Variants in CYSLTR1 observed in about 807,000 individuals in gnomAD.
CYSLTR1 encodes the protein cysteinyl leukotriene receptor 1, also known as G-protein coupled receptor HG55.
Under a neutral mutation model 2.1 loss-of-function variants are expected in CYSLTR1, and 1 was observed. That is an observed-to-expected ratio of 0.48 (90% CI 0.17 to 2.28). The LOEUF is 2.28. CYSLTR1 is among the 30% of genes most tolerant of loss of function. The pLI is 0.26. For missense variants in CYSLTR1, 299 were observed against 250.1 expected (o/e 1.20, Z -1.32); for synonymous variants, 110 against 89.6 (o/e 1.23, Z -1.28).
At chrX:78,303,614 C>T (rs1170481992) in intron 1 of CYSLTR1, among the ~76,000 whole-genome samples, 1 of 111,440 alleles carries the variant, frequency 9.0e-6, no homozygotes, top group Non-Finnish European at 1.9e-5. Context: ...GTATATCCTG[C>T]TGTATGTAGT....
intron 1 of CYSLTR1, among the ~76,000 whole-genome samples, chrX:78,284,707 G>C (rs924510519): frequency 2.7e-4 from 28 of 105,238 alleles, no homozygotes; most frequent in Admixed American, 2.6e-3. Flanking sequence ...TGGCCCCTTC[G>C]GTTTATTCTT....
At chrX:78,294,648 T>C (rs1042927866) in intron 1 of CYSLTR1, among the ~76,000 whole-genome samples, 3 of 112,615 alleles carry the variant, frequency 2.7e-5, no homozygotes, top group Non-Finnish European at 5.6e-5. Context: ...AGTTCGAGCT[T>C]CCCAGCTGCT....
Position 78,272,924 on chromosome X carries a change from T to C in CYSLTR1, c.823A>G (p.Lys275Glu), listed in dbSNP as rs1921339365. ...KPCDSVLRMQ[K>E]SVVITLSLAA... The stretch of plus-strand genomic sequence containing the variant: ...AGAGACAAGGTTATGACCACGGACT[T>C]CTGCATTCTAAGGACAGAATCACAG... The change falls in exon 3 of 3, where the codon AAG becomes GAG. Residue 275 changes from lysine to glutamate, a missense_variant. Coordinates refer to ENST00000373304, the MANE Select transcript of CYSLTR1 (RefSeq NM_006639.4). 3 of 1,211,291 alleles carry C rather than the reference T, an allele frequency of 2.5e-6. No individual in the cohort carries two copies. Among genetic ancestry groups the C allele is most frequent in the Non-Finnish European group, 2.2e-6 (2 of 895,271 alleles).
chrX:78,283,830 C>T (rs930638023), intron 1 of CYSLTR1, among the ~76,000 whole-genome samples: 2 of 111,952 alleles, frequency 1.8e-5, no homozygotes, highest in Non-Finnish European at 3.8e-5. Flanking sequence ...TAAAATATTC[C>T]TCTCTCTATG....
chrX:78,306,266 C>G (rs1367389773), intron 1 of CYSLTR1, among the ~76,000 whole-genome samples: 1 of 110,776 alleles, frequency 9.0e-6, no homozygotes, highest in Non-Finnish European at 1.9e-5. Context: ...CAGGTTTAAG[C>G]AATTCTTCTG....
At chrX:78,320,549 C>G (rs1488908064) in intron 1 of CYSLTR1, 1 of 111,893 alleles carries the variant, frequency 8.9e-6, no homozygotes, top group East Asian at 2.8e-4. Flanking sequence ...TAGCGTGATG[C>G]CTCCAGCTTT....
chrX:78,304,288 C>A (rs1922942151), intron 1 of CYSLTR1, among the ~76,000 whole-genome samples: 1 of 111,898 alleles, frequency 8.9e-6, no homozygotes, highest in Non-Finnish European at 1.9e-5. Context: ...GACTATAGCA[C>A]CACCATTCTT....
At position 78,273,266 on chromosome X, in the gene CYSLTR1, C is replaced by T. The variant is rs768075700; in HGVS notation, c.481G>A (p.Ala161Thr). The part of the protein sequence containing the change: ...VILTSSPFLM[A>T]KPQKDEKNNT... ...TTTTTCTCATCTTTTTGTGGTTTGG[C>T]CATTAGAAATGGAGAACTGGTCAAA... The change falls in exon 3 of 3, where the codon GCC (alanine) becomes ACC (threonine). Residue 161 changes from alanine (A) to threonine (T), a missense_variant. By Grantham distance (58) the Ala-to-Thr change is moderately conservative. Transcript: ENST00000373304. The T allele has an allele frequency of 1.7e-6, 2 of 1,209,286 alleles. No homozygotes were observed. The highest frequency in any genetic ancestry group is 1.8e-5 in the South Asian group (1 of 56,672).
intron 1 of CYSLTR1, among the ~76,000 whole-genome samples, chrX:78,306,095 A>T (rs1208483491): frequency 1.8e-5 from 2 of 112,779 alleles, no homozygotes; most frequent in Non-Finnish European, 3.7e-5. Context: ...GAACAGAAAG[A>T]CAAACATCAC....
intron 1 of CYSLTR1, among the ~76,000 whole-genome samples, chrX:78,299,597 A>G (rs1922727582): frequency 9.0e-6 from 1 of 110,835 alleles, no homozygotes; most frequent in South Asian, 3.8e-4. Context: ...TCAGCACTTT[A>G]AATATGTAAT....
At chrX:78,296,180 G>A (rs961866414) in intron 1 of CYSLTR1, among the ~76,000 whole-genome samples, 2 of 111,495 alleles carry the variant, frequency 1.8e-5, no homozygotes, top group Non-Finnish European at 3.8e-5. Flanking sequence ...TATGTTCTTG[G>A]CAACTTTGTT....
intron 2 of CYSLTR1, among the ~76,000 whole-genome samples, chrX:78,282,263 A>G (rs373059494): frequency 8.9e-6 from 1 of 111,912 alleles, no homozygotes; most frequent in African/African-American, 3.2e-5. Context: ...ATCTTTGATG[A>G]ACTTCTAGAG....
In CYSLTR1 at chrX:78,273,229, C is replaced by A; in HGVS notation, c.518G>T (p.Cys173Phe). The change falls in exon 3 of 3, where the codon TGC (cysteine) becomes TTC (phenylalanine). Residue 173 changes from cysteine to phenylalanine, a missense_variant. Physicochemically the swap from Cys to Phe is radical, Grantham distance 205. Transcript: ENST00000373304. ...PQKDEKNNTK[C>F]FEPPQDNQTK... ...TTGATTGTCTTGTGGGGGCTCAAAG[C>A]ACTTGGTATTATTTTTCTCATCTTT... is the stretch of plus-strand genomic sequence containing the variant. 1 of 1,210,631 alleles carries A rather than the reference C, an allele frequency of 8.3e-7. No homozygotes were observed. Among genetic ancestry groups the A allele is most frequent in the Non-Finnish European group, 1.1e-6 (1 of 895,170 alleles).
At chrX:78,296,771 CAGTT>C (rs1922592384) in intron 1 of CYSLTR1, among the ~76,000 whole-genome samples, 1 of 111,658 alleles carries the variant, frequency 9.0e-6, no homozygotes, top group Admixed American at 9.5e-5. Context: ...ATTTATTTTT[CAGTT>C]CTAATGATTT....
At chrX:78,315,909 A>G (rs1333656120) in intron 1 of CYSLTR1, among the ~76,000 whole-genome samples, 1 of 111,927 alleles carries the variant, frequency 8.9e-6, no homozygotes, top group Non-Finnish European at 1.9e-5. Context: ...GCCTTGAGTA[A>G]ACATAGACAG....
At chrX:78,281,374 C>T (rs1921836864) in intron 2 of CYSLTR1, among the ~76,000 whole-genome samples, 1 of 110,251 alleles carries the variant, frequency 9.1e-6, no homozygotes, top group African/African-American at 3.3e-5. Context: ...TCAAGCTATT[C>T]TCCCACCTCA....
intron 1 of CYSLTR1, chrX:78,318,993 C>G (rs1953452898): frequency 9.1e-6 from 1 of 109,877 alleles, no homozygotes; most frequent in African/African-American, 3.3e-5. Flanking sequence ...AGAGGTGAAC[C>G]TGGCAAATTT....
intron 2 of CYSLTR1, among the ~76,000 whole-genome samples, chrX:78,276,217 T>C (rs189839803): frequency 1.6e-3 from 174 of 112,208 alleles, no homozygotes; most frequent in African/African-American, 5.4e-3. Flanking sequence ...AGTCAATAAG[T>C]TCTGATCAGA....
At chrX:78,297,459 G>T (rs1267961776) in intron 1 of CYSLTR1, among the ~76,000 whole-genome samples, 1 of 111,261 alleles carries the variant, frequency 9.0e-6, no homozygotes, top group East Asian at 2.8e-4. Flanking sequence ...TTGAAGATTG[G>T]TATGAGTTCT....
Sources: allele counts gnomAD v4.1 joint callset (sites outside exome capture counted in the v4.1 genomes callset), GRCh38; gene constraint gnomAD v4.1.1; transcripts MANE v1.5; gene names NCBI Gene and HGNC (gene_info 2026-07-23, HGNC 2026-07-21).